Variants in CBLB observed in about 807,000 individuals in gnomAD.
CBLB encodes the protein Cbl proto-oncogene B, also known as E3 ubiquitin-protein ligase CBL-B.
CBLB carries 31 observed loss-of-function variants against 104.9 expected under a neutral mutation model. That is an observed-to-expected ratio of 0.30 (90% CI 0.22 to 0.40). The LOEUF (loss-of-function observed/expected upper bound fraction) is 0.40. CBLB is among the 10% of genes least tolerant of loss of function. The pLI, the probability that CBLB is intolerant of heterozygous loss-of-function variation, is 1.00. For synonymous variants in CBLB, 440 were observed against 422.6 expected (o/e 1.04, Z -0.51); for missense variants, 1,062 against 1,214.6 (o/e 0.87, Z 1.87).
chr3:105,792,987 T>C lies in CBLB; in HGVS notation c.420-16445A>G, dbSNP rs563256060. On this transcript the variant is annotated intron_variant, in intron 3 of 18. Transcript: ENST00000394030. ...AGATGCTTTATCCTCTGGAACTGAT[T>C]TTTCCTCCTCTTATGTATCTCCTTG... is the stretch of plus-strand genomic sequence containing the variant. Among the ~76,000 whole-genome samples the C allele has an allele frequency of 1.1e-4, 17 of 152,070 alleles. No homozygotes were observed. In the East Asian group the frequency reaches 2.9e-3, roughly 26 times the overall value.
intron 10 of CBLB, among the ~76,000 whole-genome samples, chr3:105,710,426 T>C (rs993800417): frequency 2.0e-5 from 3 of 151,952 alleles, no homozygotes; most frequent in Non-Finnish European, 4.4e-5. Context: ...AAAATCCTTA[T>C]GTAGAGGTAA....
intron 3 of CBLB, among the ~76,000 whole-genome samples, chr3:105,782,935 A>T (rs553576112): frequency 3.2e-4 from 49 of 152,316 alleles, no homozygotes; most frequent in African/African-American, 1.2e-3. Flanking sequence ...CTATCCCTCA[A>T]AATAAGGATG....
intron 12 of CBLB, among the ~76,000 whole-genome samples, 174 bp downstream of exon 12, chr3:105,701,920 C>G (rs956358045): frequency 6.6e-6 from 1 of 152,108 alleles, no homozygotes; most frequent in African/African-American, 2.4e-5. Flanking sequence ...CTCCTGACTT[C>G]TCTTAAGTTC....
At chr3:105,743,980 T>C (rs1470259204) in intron 6 of CBLB, among the ~76,000 whole-genome samples, 1 of 152,062 alleles carries the variant, frequency 6.6e-6, no homozygotes, top group Non-Finnish European at 1.5e-5. Flanking sequence ...TCTAGTTTTT[T>C]AAGGTATGAC....
chr3:105,754,889 T>C lies in CBLB; in HGVS notation c.567-3271A>G, dbSNP rs144143229. 4.2e-3 allele frequency among the ~76,000 whole-genome samples: 641 copies of C among 152,310 alleles called. 5 individuals carry two copies. The highest frequency in any genetic ancestry group is 0.015 in the African/African-American group (605 of 41,572). ...TAAAGTGATAGTTCTGTTCATATAA[T>C]ATCATGAGAGATAAGAACATGATAA... On this transcript the variant is annotated intron_variant, in intron 4 of 18. Transcript: ENST00000394030.
chr3:105,657,234 C>A lies in CBLB; in HGVS notation c.*1736G>T. 1 of 221,064 alleles carries A rather than the reference C, an allele frequency of 4.5e-6. No individual in the cohort carries two copies. Among genetic ancestry groups the A allele is most frequent in the Non-Finnish European group, 9.1e-6 (1 of 110,366 alleles). The allele number at this position is 221,064 out of a possible 1,614,324, so 13.7% of individuals were successfully genotyped here. On this transcript the variant is annotated 3_prime_UTR_variant, in exon 19 of 19. Coordinates refer to ENST00000394030, the MANE Select transcript of CBLB (RefSeq NM_170662.5). Reference sequence around the variant, plus strand: ...CGTGTCTTTTGTATAACATTAATTTCCACCAGATCTACTAGATGTTCAGTC... The same window carrying A: ...CGTGTCTTTTGTATAACATTAATTTACACCAGATCTACTAGATGTTCAGTC...
intron 4 of CBLB, among the ~76,000 whole-genome samples, chr3:105,762,995 G>A (rs190057450): frequency 6.6e-5 from 10 of 152,284 alleles, no homozygotes; most frequent in South Asian, 2.1e-4. Flanking sequence ...TTACAACAGC[G>A]TGCCCTGGAC....
At position 105,792,830 on chromosome 3, in the gene CBLB, A is replaced by T. The variant is rs180921599; in HGVS notation, c.420-16288T>A. Among the ~76,000 whole-genome samples, 303 of 152,298 alleles carry T rather than the reference A, an allele frequency of 2.0e-3. 2 individuals carry two copies. Among genetic ancestry groups the T allele is most frequent in the African/African-American group, 7.1e-3 (294 of 41,550 alleles). On this transcript the variant is annotated intron_variant, in intron 3 of 18. Transcript: ENST00000394030. ...CCATCAATCACCATTAACCTCTGAG[A>T]TTCCTAAATGCAAACAATCCATCTG...
At chr3:105,719,443 C>T (rs181563541) in intron 10 of CBLB, among the ~76,000 whole-genome samples, 6 of 152,250 alleles carry the variant, frequency 3.9e-5, no homozygotes, top group East Asian at 1.9e-4. Context: ...AATGACATTT[C>T]GGTAATGGAC....
intron 3 of CBLB, among the ~76,000 whole-genome samples, chr3:105,792,686 T>C (rs2081816993): frequency 6.6e-6 from 1 of 152,138 alleles, no homozygotes; most frequent in Non-Finnish European, 1.5e-5. Flanking sequence ...GGCTCTTTCC[T>C]TGCTTCCTCC....
chr3:105,722,777 T>C (rs909471801), intron 9 of CBLB, among the ~76,000 whole-genome samples: 2 of 152,132 alleles, frequency 1.3e-5, no homozygotes, highest in African/African-American at 4.8e-5. Context: ...ATATTGAGTT[T>C]TGAAGGGGGA....
intron 3 of CBLB, among the ~76,000 whole-genome samples, chr3:105,843,155 A>C (rs1405786747): frequency 6.6e-6 from 1 of 152,334 alleles, no homozygotes; most frequent in East Asian, 1.9e-4. Flanking sequence ...ACTATTTACT[A>C]TCTGGCTCTG....
At chr3:105,674,086 A>T (rs573376040) in intron 17 of CBLB, 1 of 152,298 alleles carries the variant, frequency 6.6e-6, no homozygotes, top group Admixed American at 6.5e-5. Context: ...TTTAAAGCAA[A>T]TCCCCAGGAG....
At chr3:105,752,708 CT>C (rs1397829883) in intron 4 of CBLB, among the ~76,000 whole-genome samples, 2 of 152,194 alleles carry the variant, frequency 1.3e-5, no homozygotes, top group Non-Finnish European at 1.5e-5. Context: ...AAAGGTACAA[CT>C]TTCATATTCA....
chr3:105,767,366 A>C (rs1433554908), intron 4 of CBLB, among the ~76,000 whole-genome samples: 1 of 152,034 alleles, frequency 6.6e-6, no homozygotes, highest in Non-Finnish European at 1.5e-5. Context: ...TTTCTTTCAT[A>C]TTAAAAGTGA....
At chr3:105,849,915 T>C (rs2090737030) in intron 3 of CBLB, among the ~76,000 whole-genome samples, 1 of 152,120 alleles carries the variant, frequency 6.6e-6, no homozygotes, top group African/African-American at 2.4e-5. Context: ...AAATTTAACA[T>C]AAATATCTGA....
intron 4 of CBLB, among the ~76,000 whole-genome samples, chr3:105,755,785 T>C (rs1025034449): frequency 2.0e-5 from 3 of 152,178 alleles, no homozygotes; most frequent in African/African-American, 7.2e-5. Context: ...GGAAATTATG[T>C]CCAAAAAATA....
Position 105,704,086 on chromosome 3 carries a change from T to C in CBLB, c.1495A>G (p.Ile499Val). 2 of 1,614,112 alleles carry C rather than the reference T, an allele frequency of 1.2e-6. No individual in the cohort carries two copies. Among genetic ancestry groups the C allele is most frequent in the Non-Finnish European group, 1.7e-6 (2 of 1,180,002 alleles). The change falls in exon 11 of 19, where the codon ATC becomes GTC. Residue 499 changes from isoleucine (I) to valine (V), a missense_variant. Around this residue, in one of 2 missense-constraint regions of CBLB, gnomAD observed 457 missense variants for 632.0 expected, o/e 0.72. Transcript: ENST00000394030. ...RRKPQPDPLQ[I>V]PHLSLPPVPP... Reference sequence around the variant, plus strand: ...ACGGGTGGCAGGCTTAGATGTGGGATCTGGAGTGGGTCAGGCTGTGGCTTT... The same window carrying C: ...ACGGGTGGCAGGCTTAGATGTGGGACCTGGAGTGGGTCAGGCTGTGGCTTT...
chr3:105,758,230 T>G (rs1447922448), intron 4 of CBLB, among the ~76,000 whole-genome samples: 1 of 152,172 alleles, frequency 6.6e-6, no homozygotes, highest in Non-Finnish European at 1.5e-5. Context: ...ATCAAAACAC[T>G]CTGGTTACAT....
Sources: allele counts gnomAD v4.1 joint callset (sites outside exome capture counted in the v4.1 genomes callset), GRCh38; gene constraint gnomAD v4.1.1; regional missense constraint gnomAD v4.1.1; transcripts MANE v1.5; gene names NCBI Gene and HGNC (gene_info 2026-07-23, HGNC 2026-07-21).